TYW1: variants seen among roughly 807,000 people sequenced by gnomAD.
The protein encoded by TYW1 is tRNA-yW synthesizing protein 1 homolog.
Under a neutral mutation model 96.2 loss-of-function variants are expected in TYW1, and 46 were observed. The ratio of observed to expected loss-of-function variants is 0.48; its 90% CI spans 0.38 to 0.61. TYW1 has a LOEUF of 0.61. Ranked by LOEUF, TYW1 falls within the 20% of genes least tolerant of loss-of-function variation. The pLI is 0.00. For missense variants in TYW1, 684 were observed against 909.6 expected (o/e 0.75, Z 3.19); for synonymous variants, 274 against 323.0 (o/e 0.85, Z 1.63).
intron 13 of TYW1, among the ~76,000 whole-genome samples, chr7:67,181,396 A>G (rs1399460004): frequency 6.6e-6 from 1 of 152,174 alleles, no homozygotes. Context: ...CTTGCATGAT[A>G]TACTGCATTT....
intron 13 of TYW1, among the ~76,000 whole-genome samples, chr7:67,181,475 A>G (rs1020717318): frequency 1.3e-5 from 2 of 152,164 alleles, no homozygotes; most frequent in African/African-American, 4.8e-5. Context: ...GTGGCTGCCT[A>G]ATATTCCTTA....
chr7:67,069,378 G>A (rs1007189888), intron 10 of TYW1, among the ~76,000 whole-genome samples: 3 of 152,068 alleles, frequency 2.0e-5, no homozygotes, highest in Non-Finnish European at 2.9e-5. Context: ...CATTAACATA[G>A]ATTTATAATT....
intron 13 of TYW1, among the ~76,000 whole-genome samples, chr7:67,121,198 CAT>C (rs147922471): frequency 0.096 from 14,574 of 152,226 alleles, 789 homozygotes; most frequent in Middle Eastern, 0.14. Flanking sequence ...GCACTTAAAA[CAT>C]ATATTTTGTA....
chr7:67,166,953 C>G (rs10231586), intron 13 of TYW1, among the ~76,000 whole-genome samples: 42,568 of 152,030 alleles, frequency 0.28, 6,522 homozygotes, highest in African/African-American at 0.4. Context: ...GACAATCGCA[C>G]GGCCATATAA....
At chr7:67,070,511 G>C (rs949632065) in intron 10 of TYW1, among the ~76,000 whole-genome samples, 18 of 151,308 alleles carry the variant, frequency 1.2e-4, no homozygotes, top group African/African-American at 4.4e-4. Context: ...GTTTTTCTTT[G>C]GCCTGTTCAA....
chr7:67,117,420 T>A (rs777241086), intron 12 of TYW1, 63 bp from the exon 13 acceptor site: 32 of 1,553,510 alleles, frequency 2.1e-5, no homozygotes, highest in Non-Finnish European at 2.8e-5. Context: ...GCAGGTTTTA[T>A]ATCATGGAAA....
chr7:67,237,226 C>T (rs527881535), intron 15 of TYW1, among the ~76,000 whole-genome samples: 2,406 of 142,894 alleles, frequency 0.017, 31 homozygotes, highest in Admixed American at 0.046. Flanking sequence ...ATGGGCCGGG[C>T]GTGGTGGCTC....
At chr7:67,126,301 A>G (rs922373661) in intron 13 of TYW1, among the ~76,000 whole-genome samples, 7 of 151,470 alleles carry the variant, frequency 4.6e-5, no homozygotes, top group African/African-American at 1.7e-4. Context: ...GATGTCTGCT[A>G]TGGTCTTTGG....
intron 15 of TYW1, among the ~76,000 whole-genome samples, chr7:67,216,230 T>C (rs1301918224): frequency 6.8e-6 from 1 of 147,698 alleles, no homozygotes; most frequent in Non-Finnish European, 1.5e-5. Context: ...AATTTTTTTC[T>C]TTAATGGATA....
At position 67,098,641 on chromosome 7, in the gene TYW1, C is replaced by A; in HGVS notation, c.1485C>A (p.Asn495Lys). The change falls in exon 12 of 16, where the codon AAC becomes AAA. Residue 495 changes from asparagine (N) to lysine (K), a missense_variant. Coordinates refer to ENST00000359626, the MANE Select transcript of TYW1 (RefSeq NM_018264.4). ...VGEPIMYPEINRFLKLLHQCK... is the reference protein window; with the variant it reads ...VGEPIMYPEIKRFLKLLHQCK... ...AACCAATAATGTACCCAGAGATCAA[C>A]AGGTTTTTGAAGCTACTCCACCAGT... 1 of 1,614,022 alleles carries A rather than the reference C, an allele frequency of 6.2e-7. No individual in the cohort carries two copies. The highest frequency in any genetic ancestry group is 8.5e-7 in the Non-Finnish European group (1 of 1,179,988).
intron 11 of TYW1, among the ~76,000 whole-genome samples, chr7:67,089,918 A>G (rs533379863): frequency 6.6e-6 from 1 of 152,306 alleles, no homozygotes; most frequent in African/African-American, 2.4e-5. Flanking sequence ...GCAGGGAGAA[A>G]TAGTTCCCAG....
chr7:67,023,639 A>G (rs4610623), intron 6 of TYW1, among the ~76,000 whole-genome samples: 51,121 of 151,590 alleles, frequency 0.34, 8,805 homozygotes, highest in East Asian at 0.53. Flanking sequence ...GTGATGGTGC[A>G]TGCCTGTAGT....
chr7:67,097,368 A>T (rs551750338), intron 11 of TYW1, among the ~76,000 whole-genome samples: 2 of 152,170 alleles, frequency 1.3e-5, no homozygotes, highest in Non-Finnish European at 2.9e-5. Flanking sequence ...CTCTGATGAA[A>T]CAGACTCTTT....
At position 67,238,306 on chromosome 7, in the gene TYW1, A is replaced by G. The variant is rs1206002582; in HGVS notation, c.1978-2A>G. 1 of 1,580,918 alleles carries G rather than the reference A, an allele frequency of 6.3e-7. No individual in the cohort carries two copies. Among genetic ancestry groups the G allele is most frequent in the Non-Finnish European group, 8.6e-7 (1 of 1,166,190 alleles). On this transcript the variant is annotated splice_acceptor_variant, in intron 15 of 15. Coordinates refer to ENST00000359626, the MANE Select transcript of TYW1 (RefSeq NM_018264.4). LOFTEE classifies it high-confidence loss of function. ...TGACTTGACACATTTTTTTCTTTCC[A>G]GTTTAAAATTGGTGGTGAATGGTGG... is the stretch of plus-strand genomic sequence containing the variant.
chr7:67,123,399 T>G (rs1797819794), intron 13 of TYW1, among the ~76,000 whole-genome samples: 1 of 152,228 alleles, frequency 6.6e-6, no homozygotes, highest in African/African-American at 2.4e-5. Context: ...TGTGCAAATA[T>G]GTTGTCTAAA....
intron 8 of TYW1, among the ~76,000 whole-genome samples, chr7:67,052,086 T>C (rs1277181543): frequency 6.6e-6 from 1 of 152,200 alleles, no homozygotes; most frequent in Non-Finnish European, 1.5e-5. Flanking sequence ...AGATTTTCTC[T>C]TAAGGCTGAT....
At chr7:67,092,067 A>G (rs1796738540) in intron 11 of TYW1, among the ~76,000 whole-genome samples, 1 of 152,140 alleles carries the variant, frequency 6.6e-6, no homozygotes, top group Middle Eastern at 3.2e-3. Flanking sequence ...CTGTCCTGTT[A>G]GCCCCAATGC....
chr7:67,029,101 T>C (rs1352816431), intron 7 of TYW1, among the ~76,000 whole-genome samples: 1 of 151,500 alleles, frequency 6.6e-6, no homozygotes, highest in Admixed American at 6.6e-5. Context: ...TGGGTTCACG[T>C]CATTCTCCTG....
At chr7:67,211,100 G>A (rs986973685) in intron 15 of TYW1, among the ~76,000 whole-genome samples, 7 of 150,144 alleles carry the variant, frequency 4.7e-5, no homozygotes, top group African/African-American at 9.9e-5. Flanking sequence ...TTGGCCATTC[G>A]GATCTCTTTC....
Sources: allele counts gnomAD v4.1 joint callset (sites outside exome capture counted in the v4.1 genomes callset), GRCh38; gene constraint gnomAD v4.1.1; transcripts MANE v1.5; gene names NCBI Gene and HGNC (gene_info 2026-07-23, HGNC 2026-07-21).